KIF5C: variants seen among roughly 807,000 people sequenced by gnomAD.
KIF5C encodes the protein kinesin family member 5C, also known as kinesin heavy chain isoform 5C.
Under a neutral mutation model 125.2 loss-of-function variants are expected in KIF5C, and 18 were observed. The ratio of observed to expected loss-of-function variants is 0.14; its 90% confidence interval spans 0.10 to 0.21. KIF5C has a LOEUF of 0.21. Ranked by LOEUF, KIF5C falls within the 10% of genes least tolerant of loss-of-function variation. The pLI, the probability that KIF5C is intolerant of heterozygous loss-of-function variation, is 1.00. For synonymous variants in KIF5C, 405 were observed against 434.0 expected (o/e 0.93, Z 0.83); for missense variants, 780 against 1,183.8 (o/e 0.66, Z 5.01).
Position 148,962,083 on chromosome 2 carries a change from C to G in KIF5C, c.1081C>G (p.Gln361Glu). 1 of 1,612,176 alleles carries G rather than the reference C, an allele frequency of 6.2e-7. No individual in the cohort carries two copies. Among genetic ancestry groups the G allele is most frequent in the Non-Finnish European group, 8.5e-7 (1 of 1,179,016 alleles). The part of the protein sequence containing the change: ...EKNKTLKNVI[Q>E]HLEMELNRWR... ...AAACAAGACTTTGAAGAATGTTATC[C>G]AGCATCTGGAGATGGAGCTAAACAG... Residue 361 changes from glutamine (Q) to glutamate (E), a missense_variant, in exon 11 of 26, where the codon CAG (glutamine) becomes GAG (glutamate). Gln to Glu is a conservative substitution (Grantham distance 29, BLOSUM62 2). Coordinates refer to ENST00000435030, the MANE Select transcript of KIF5C (RefSeq NM_004522.3).
chr2:148,929,358 A>G lies in KIF5C; in HGVS notation c.291+4A>G, dbSNP rs1478863564. ...AGGAAAAACCCACACCATGGAGGTA[A>G]GATTACAATGTGCTCTAATGCGAAT... On this transcript the variant is annotated splice_donor_region_variant and intron_variant, in intron 3 of 25. Transcript: ENST00000435030. The G allele has an allele frequency of 2.0e-6, 3 of 1,524,310 alleles. No individual in the cohort carries two copies. Among genetic ancestry groups the G allele is most frequent in the Non-Finnish European group, 2.6e-6 (3 of 1,135,280 alleles). 94.4% of individuals were successfully genotyped at this position (1,524,310 alleles called of 1,614,324 possible). A position where few individuals can be genotyped will look rare whatever the true frequency, so the allele number is the denominator to read the frequency against.
chr2:148,963,513 T>C (rs1682978112), intron 11 of KIF5C, among the ~76,000 whole-genome samples: 1 of 152,194 alleles, frequency 6.6e-6, no homozygotes, highest in South Asian at 2.1e-4. Flanking sequence ...AACATGATTC[T>C]TTTATTTTTG....
At position 149,025,482 on chromosome 2, in the gene KIF5C, G is replaced by A. The variant is rs1005676162; in HGVS notation, c.*2412G>A. The A allele has an allele frequency of 6.6e-6, 1 of 152,556 alleles. No individual in the cohort carries two copies. The allele number at this position is 152,556 out of a possible 1,614,324, so 9.5% of individuals were successfully genotyped here. A position where few individuals can be genotyped will look rare whatever the true frequency, so the allele number is the denominator to read the frequency against. On this transcript the variant is annotated 3_prime_UTR_variant, in exon 26 of 26. Coordinates refer to ENST00000435030, the MANE Select transcript of KIF5C (RefSeq NM_004522.3). ...GCCACTTTCTAAAAAAGCCACATATGTGCAATTTTCAGGTTTTTAGACTAT... is the reference window on the plus strand; with the variant it reads ...GCCACTTTCTAAAAAAGCCACATATATGCAATTTTCAGGTTTTTAGACTAT...
At position 148,922,189 on chromosome 2, in the gene KIF5C, A is replaced by G. The variant is rs1231325550; in HGVS notation, c.179A>G (p.Glu60Gly). Residue 60 changes from glutamate (E) to glycine (G), a missense_variant, in exon 2 of 26, where the codon GAG (glutamate) becomes GGG (glycine). Glu to Gly is a moderately conservative substitution (Grantham distance 98). Coordinates refer to ENST00000435030, the MANE Select transcript of KIF5C (RefSeq NM_004522.3). ...DRVLPPNTTQEQVYNACAKQI... is the reference protein window; with the variant it reads ...DRVLPPNTTQGQVYNACAKQI... ...GTGCTACCTCCCAACACGACCCAAGAGCAGGTTTACAATGCATGTGCGAAG... is the reference window on the plus strand; with the variant it reads ...GTGCTACCTCCCAACACGACCCAAGGGCAGGTTTACAATGCATGTGCGAAG... 5.0e-6 allele frequency: 8 copies of G among 1,613,530 alleles called. No homozygotes were observed. Among genetic ancestry groups the G allele is most frequent in the Non-Finnish European group, 5.1e-6 (6 of 1,179,814 alleles).
rs772612179 is a variant in KIF5C at position 148,950,421 on chromosome 2, C to T, written c.927C>T (p.Phe309=). Residue 309 remains phenylalanine (F), a synonymous_variant, in exon 10 of 26, where the codon TTC becomes TTT. Transcript: ENST00000435030. ...TIVICCSPSV[F]NEAETKSTLM... Reference sequence around the variant, plus strand: ...TCATTTGCTGTTCTCCTTCTGTCTTCAATGAGGCTGAGACCAAGTCCACAC... The same window carrying T: ...TCATTTGCTGTTCTCCTTCTGTCTTTAATGAGGCTGAGACCAAGTCCACAC... The T allele has an allele frequency of 3.1e-6, 5 of 1,613,832 alleles. No individual in the cohort carries two copies. The African/African-American group carries it at 4.0e-5, about 13-fold the overall frequency.
At chr2:148,884,914 T>A (rs1174632216) in intron 1 of KIF5C, among the ~76,000 whole-genome samples, 1 of 151,448 alleles carries the variant, frequency 6.6e-6, no homozygotes, top group South Asian at 2.1e-4. Context: ...CACGGGGCCA[T>A]CAGGGCTAAG....
rs550446482 is a variant in KIF5C, at chr2:148,905,947, A to ACTGTCATG, written c.127-16189_127-16182dup. Among the ~76,000 whole-genome samples the ACTGTCATG allele has an allele frequency of 2.3e-4, 35 of 152,324 alleles. 1 individual carries two copies. In the South Asian group the frequency reaches 7.0e-3, roughly 31 times the overall value. On this transcript the variant is annotated intron_variant, in intron 1 of 25. Coordinates refer to ENST00000435030, the MANE Select transcript of KIF5C (RefSeq NM_004522.3). ...CCATCAGATCTTGTGAGACTTATTC[A>ACTGTCATG]CTGTCATGAGAACAGCACAGGAAAG... is the stretch of plus-strand genomic sequence containing the variant.
chr2:149,017,744 G>T (rs1324586706), intron 25 of KIF5C, among the ~76,000 whole-genome samples: 1 of 152,112 alleles, frequency 6.6e-6, no homozygotes, highest in Non-Finnish European at 1.5e-5. Flanking sequence ...CCCCAGAGTT[G>T]ATTTAAATTA....
intron 21 of KIF5C, among the ~76,000 whole-genome samples, chr2:149,004,220 AAC>A (rs757126030): frequency 4.6e-5 from 7 of 152,258 alleles, no homozygotes; most frequent in Non-Finnish European, 1.0e-4. Context: ...ACCTTAAATT[AAC>A]AGAGAACCTT....
At chr2:148,916,615 C>T (rs570595255) in intron 1 of KIF5C, among the ~76,000 whole-genome samples, 6 of 152,110 alleles carry the variant, frequency 3.9e-5, no homozygotes, top group Admixed American at 3.3e-4. Flanking sequence ...AATGCAAATG[C>T]CTGATGTAGG....
rs561178388 is a variant in KIF5C, at chr2:148,945,275, G to A, written c.590-1624G>A. ...AGTTTTATAGTTTTAGTTTTTATAT[G>A]TAGGTATTTGATCCTTTTGGAGTAA... is the stretch of plus-strand genomic sequence containing the variant. On this transcript the variant is annotated intron_variant, in intron 7 of 25. Transcript: ENST00000435030. 7.9e-5 allele frequency among the ~76,000 whole-genome samples: 12 copies of A among 152,190 alleles called. No homozygotes were observed. In the East Asian group the frequency reaches 2.3e-3, roughly 29 times the overall value.
intron 25 of KIF5C, among the ~76,000 whole-genome samples, chr2:149,016,187 G>T (rs928153214): frequency 3.9e-5 from 6 of 152,228 alleles, no homozygotes; most frequent in Non-Finnish European, 7.3e-5. Context: ...TGGGGAGGGA[G>T]TTGAGCCCAA....
intron 18 of KIF5C, 130 bp from the exon 19 acceptor site, chr2:148,998,270 A>G: frequency 7.0e-7 from 1 of 1,425,222 alleles, no homozygotes; most frequent in Non-Finnish European, 9.4e-7. Flanking sequence ...AACAGCCAGA[A>G]ATGCCCCCAG....
At chr2:149,000,881 G>A in intron 21 of KIF5C, 99 bp downstream of exon 21, 1 of 1,563,240 alleles carries the variant, frequency 6.4e-7, no homozygotes, top group South Asian at 1.2e-5. Flanking sequence ...ACACCTTTCT[G>A]TGTAATGTTT....
At position 148,929,364 on chromosome 2, in the gene KIF5C, C is replaced by G. The variant is rs1478800513; in HGVS notation, c.291+10C>G. The G allele has an allele frequency of 6.6e-7, 1 of 1,512,698 alleles. No homozygotes were observed. The highest frequency in any genetic ancestry group is 2.0e-5 in the Admixed American group (1 of 50,940). 93.7% of individuals were successfully genotyped at this position (1,512,698 alleles called of 1,614,324 possible). The stretch of plus-strand genomic sequence containing the variant: ...AACCCACACCATGGAGGTAAGATTA[C>G]AATGTGCTCTAATGCGAATCTCTGA... On this transcript the variant is annotated intron_variant, in intron 3 of 25. Transcript: ENST00000435030.
intron 8 of KIF5C, 200 bp downstream of exon 8, chr2:148,947,223 G>A (rs1227648613): frequency 6.7e-6 from 5 of 750,680 alleles, no homozygotes; most frequent in Admixed American, 3.5e-5. Context: ...TGGTGTCACA[G>A]GCAGGTGCTT....
chr2:148,942,019 A>G (rs1437534988), intron 6 of KIF5C, 29 bp downstream of exon 6: 3 of 1,606,050 alleles, frequency 1.9e-6, no homozygotes, highest in East Asian at 2.2e-5. Context: ...TGGTGATGCA[A>G]TTAATTTCTC....
In KIF5C at chr2:148,924,191, ACTC is replaced by A. The variant is rs1267371104; in HGVS notation, c.217+1967_217+1969del. ...CTAAAACATAGAGGTACAAGAAAGA[ACTC>A]CTTGGAACAGATGATCAAGTATAGC... On this transcript the variant is annotated intron_variant, in intron 2 of 25. Coordinates refer to ENST00000435030, the MANE Select transcript of KIF5C (RefSeq NM_004522.3). The surrounding 1 kb of genome is among the most constrained non-coding windows in gnomAD (Gnocchi z 4.0). 6.6e-6 allele frequency among the ~76,000 whole-genome samples: 1 copy of A among 152,128 alleles called. No individual in the cohort carries two copies. The highest frequency in any genetic ancestry group is 1.5e-5 in the Non-Finnish European group (1 of 68,026).
chr2:148,892,608 T>G (rs1681741203), intron 1 of KIF5C, among the ~76,000 whole-genome samples: 1 of 152,242 alleles, frequency 6.6e-6, no homozygotes, highest in African/African-American at 2.4e-5. Context: ...TTTAGGACCT[T>G]CCATAGAATG....
Sources: gnomAD v4.1 joint callset for allele counts (sites outside exome capture counted in the v4.1 genomes callset) on GRCh38, gnomAD v4.1.1 for gene constraint, Gnocchi (gnomAD v3.1) non-coding constraint, MANE v1.5 for transcripts, NCBI Gene and HGNC (gene_info 2026-07-23, HGNC 2026-07-21) for gene names.